The following MAN2A1 variants were observed in gnomAD, a reference collection of about 807,000 sequenced individuals.
MAN2A1 encodes the protein mannosidase alpha class 2A member 1.
MAN2A1 carries 76 observed loss-of-function variants against 142.6 expected under a neutral mutation model. The ratio of observed to expected loss-of-function variants is 0.53; its 90% CI spans 0.44 to 0.65. The LOEUF (loss-of-function observed/expected upper bound fraction) is 0.65, where lower values mean the gene tolerates loss of function less well. Ranked by LOEUF, MAN2A1 falls within the 30% of genes least tolerant of loss-of-function variation. MAN2A1 has a pLI of 0.00. For missense variants in MAN2A1, 1,311 were observed against 1,365.1 expected (o/e 0.96, Z 0.62); for synonymous variants, 559 against 473.2 (o/e 1.18, Z -2.35).
chr5:109,785,266 A>G (rs917062382), intron 10 of MAN2A1, among the ~76,000 whole-genome samples: 5 of 152,116 alleles, frequency 3.3e-5, no homozygotes, highest in African/African-American at 1.2e-4. Flanking sequence ...AAACATAGTT[A>G]TAATGTAGAG....
At chr5:109,737,087 A>G (rs1019091979) in intron 4 of MAN2A1, among the ~76,000 whole-genome samples, 15 of 130,552 alleles carry the variant, frequency 1.1e-4, no homozygotes, top group African/African-American at 3.5e-4. Flanking sequence ...TATGGACTGT[A>G]TACTCTTTTT....
intron 1 of MAN2A1, among the ~76,000 whole-genome samples, chr5:109,700,785 C>G (rs893348485): frequency 6.6e-6 from 1 of 152,182 alleles, no homozygotes; most frequent in African/African-American, 2.4e-5. Context: ...CACAGGATAC[C>G]TGGGACATGC....
In MAN2A1 at chr5:109,729,416, A is replaced by G. The variant is rs1383301991; in HGVS notation, c.610A>G (p.Lys204Glu). 6.2e-7 allele frequency: 1 copy of G among 1,605,484 alleles called. No homozygotes were observed. The highest frequency in any genetic ancestry group is 1.3e-5 in the African/African-American group (1 of 74,696). ...TTTTAATAACATGGTCCTAAAGCTG[A>G]AAGAAGACTCACGGAGGAAGTTTAT... ...YIFNNMVLKLKEDSRRKFIWS... is the reference protein window; with the variant it reads ...YIFNNMVLKLEEDSRRKFIWS... The change falls in exon 4 of 22, where the codon AAA (lysine) becomes GAA (glutamate). Residue 204 changes from lysine to glutamate, a missense_variant. Physicochemically the swap from Lys to Glu is moderately conservative, Grantham distance 56. Around this residue, in one of 3 missense-constraint regions of MAN2A1, gnomAD observed 409 missense variants for 412.7 expected, o/e 0.99. Transcript: ENST00000261483.
intron 3 of MAN2A1, among the ~76,000 whole-genome samples, chr5:109,726,021 C>G (rs1751734296): frequency 6.6e-6 from 1 of 151,926 alleles, no homozygotes; most frequent in South Asian, 2.1e-4. Flanking sequence ...TAGCTATTAG[C>G]TTTTTTATGG....
In MAN2A1 at chr5:109,817,188, ATG is replaced by A. The variant is rs1754485546; in HGVS notation, c.1944-83_1944-82del. On this transcript the variant is annotated intron_variant, in intron 12 of 21. Coordinates refer to ENST00000261483, the MANE Select transcript of MAN2A1 (RefSeq NM_002372.4). The stretch of plus-strand genomic sequence containing the variant: ...CTCAAAAATATATATGTATATGTAT[ATG>A]TATATGTATATCTACATGTATATGT... 3.2e-5 allele frequency: 36 copies of A among 1,131,938 alleles called. No individual in the cohort carries two copies. The South Asian group carries it at 4.5e-4, about 14-fold the overall frequency. The allele number at this position is 1,131,938 out of a possible 1,614,324, so 70.1% of individuals were successfully genotyped here. A position where few individuals can be genotyped will look rare whatever the true frequency, so the allele number is the denominator to read the frequency against.
intron 4 of MAN2A1, among the ~76,000 whole-genome samples, chr5:109,734,911 A>T (rs1752040970): frequency 6.6e-6 from 1 of 152,166 alleles, no homozygotes; most frequent in African/African-American, 2.4e-5. Flanking sequence ...GCTGAGTTCA[A>T]TTCCTGGGTA....
chr5:109,832,148 T>C (rs1754923234), intron 16 of MAN2A1, among the ~76,000 whole-genome samples: 1 of 143,914 alleles, frequency 6.9e-6, no homozygotes, highest in Admixed American at 6.9e-5. Context: ...TAGCTGGTAA[T>C]GGAAGGAGTT....
rs566599632 is a variant in MAN2A1 at position 109,706,922 on chromosome 5, C to A, written c.136-6598C>A. On this transcript the variant is annotated intron_variant, in intron 1 of 21. Transcript: ENST00000261483. ...AAACTTGATTTGGTTGAGTGCAGAT[C>A]TTATATCACTACCATGATAGGAAAT... is the stretch of plus-strand genomic sequence containing the variant. Among the ~76,000 whole-genome samples the A allele has an allele frequency of 3.9e-5, 6 of 152,238 alleles. No individual in the cohort carries two copies. In the East Asian group the frequency reaches 1.2e-3, roughly 29 times the overall value.
Position 109,770,482 on chromosome 5 carries a change from A to G in MAN2A1, c.1137A>G (p.Arg379=). 2 of 1,613,994 alleles carry G rather than the reference A, an allele frequency of 1.2e-6. No homozygotes were observed. Among genetic ancestry groups the G allele is most frequent in the Non-Finnish European group, 8.5e-7 (1 of 1,179,926 alleles). The change falls in exon 7 of 22, where the codon AGA becomes AGG. Residue 379 remains arginine (R), a synonymous_variant. Coordinates refer to ENST00000261483, the MANE Select transcript of MAN2A1 (RefSeq NM_002372.4). ...ATTTTAAACGTCTTCCTGGAGGCAG[A>G]TTTGGTTGTCCCTGGGGAGTCCCCC... is the stretch of plus-strand genomic sequence containing the variant. ...QFDFKRLPGG[R]FGCPWGVPPE... is the part of the protein sequence containing the mutation.
chr5:109,864,883 A>T, intron 20 of MAN2A1, 153 bp from the exon 21 acceptor site: 1 of 627,710 alleles, frequency 1.6e-6, no homozygotes, highest in South Asian at 1.9e-5. Context: ...GTGAATGGGC[A>T]GTGAGCATGG....
intron 7 of MAN2A1, among the ~76,000 whole-genome samples, chr5:109,772,987 C>T (rs147802634): frequency 1.3e-3 from 191 of 152,178 alleles, no homozygotes; most frequent in African/African-American, 4.2e-3. Context: ...TTCTATTGAC[C>T]GTCACGTGAT....
At chr5:109,846,316 C>T (rs1561541161) in intron 18 of MAN2A1, among the ~76,000 whole-genome samples, 2 of 152,126 alleles carry the variant, frequency 1.3e-5, no homozygotes, top group Non-Finnish European at 2.9e-5. Context: ...TATGATTTAA[C>T]GGATGTGGAA....
chr5:109,782,836 A>T (rs1315895968), intron 9 of MAN2A1, among the ~76,000 whole-genome samples: 1 of 152,096 alleles, frequency 6.6e-6, no homozygotes, highest in African/African-American at 2.4e-5. Context: ...TGATATTTTG[A>T]TATAAGCATA....
At chr5:109,847,129 A>G (rs1366851223) in intron 18 of MAN2A1, among the ~76,000 whole-genome samples, 1 of 152,208 alleles carries the variant, frequency 6.6e-6, no homozygotes, top group Non-Finnish European at 1.5e-5. Flanking sequence ...TTTGTGCCGT[A>G]CATGACTCTT....
intron 4 of MAN2A1, among the ~76,000 whole-genome samples, chr5:109,740,387 C>T (rs1415764110): frequency 6.6e-6 from 1 of 152,168 alleles, no homozygotes; most frequent in East Asian, 1.9e-4. Flanking sequence ...CTGGCTTTCT[C>T]CCTCTAGCTT....
intron 3 of MAN2A1, among the ~76,000 whole-genome samples, chr5:109,720,118 A>G (rs1751560380): frequency 6.6e-6 from 1 of 152,166 alleles, no homozygotes. Flanking sequence ...AACTGCTGAA[A>G]TATTTGGTTA....
At chr5:109,720,020 A>G (rs1561477279) in intron 3 of MAN2A1, among the ~76,000 whole-genome samples, 1 of 152,178 alleles carries the variant, frequency 6.6e-6, no homozygotes, top group South Asian at 2.1e-4. Flanking sequence ...TGATTGATAC[A>G]TGTTCATGTT....
At chr5:109,738,832 G>A (rs1752183989) in intron 4 of MAN2A1, among the ~76,000 whole-genome samples, 1 of 151,910 alleles carries the variant, frequency 6.6e-6, no homozygotes, top group African/African-American at 2.4e-5. Flanking sequence ...TCTATAATGG[G>A]AGACTTTTCT....
intron 12 of MAN2A1, among the ~76,000 whole-genome samples, chr5:109,811,573 C>CGTGTGT (rs70999943): frequency 2.8e-3 from 400 of 145,008 alleles, no homozygotes; most frequent in Middle Eastern, 0.01. Flanking sequence ...TCCTAACAGC[C>CGTGTGT]GTGTGTGTGT....
Sources: allele counts gnomAD v4.1 joint callset (sites outside exome capture counted in the v4.1 genomes callset), GRCh38; gene constraint gnomAD v4.1.1; regional missense constraint gnomAD v4.1.1; transcripts MANE v1.5; gene names NCBI Gene and HGNC (gene_info 2026-07-23, HGNC 2026-07-21).